Variants in FGF12 observed in about 807,000 individuals in gnomAD.
FGF12 encodes fibroblast growth factor 12, also known as fibroblast growth factor 12B.
A neutral mutation model predicts 23.6 loss-of-function variants in FGF12; 14 were observed. The ratio of observed to expected loss-of-function variants is 0.59; its 90% CI spans 0.39 to 0.93. FGF12 has a LOEUF of 0.93. FGF12 is among the 40% of genes least tolerant of loss of function. FGF12 has a pLI of 0.00. For missense variants in FGF12, 175 were observed against 217.8 expected (o/e 0.80, Z 1.24); for synonymous variants, 62 against 77.3 (o/e 0.80, Z 1.04).
intron 2 of FGF12, among the ~76,000 whole-genome samples, chr3:192,656,693 C>G (rs1716440562): frequency 6.6e-6 from 1 of 152,136 alleles, no homozygotes; most frequent in South Asian, 2.1e-4. Context: ...AAGATTATGG[C>G]ATACTCTCTC....
At chr3:192,561,466 G>A (rs191888200) in intron 2 of FGF12, among the ~76,000 whole-genome samples, 22 of 151,974 alleles carry the variant, frequency 1.4e-4, no homozygotes, top group Admixed American at 3.3e-4. Flanking sequence ...GGGTTCAAGC[G>A]ATTCTCCTGC....
intron 4 of FGF12, among the ~76,000 whole-genome samples, chr3:192,299,401 T>C (rs1008040610): frequency 6.6e-6 from 1 of 152,224 alleles, no homozygotes; most frequent in Non-Finnish European, 1.5e-5. Flanking sequence ...TGTGCTTCTA[T>C]AGTGTTTGAG....
chr3:192,270,036 C>G (rs1713334198), intron 4 of FGF12, among the ~76,000 whole-genome samples: 1 of 152,140 alleles, frequency 6.6e-6, no homozygotes, highest in South Asian at 2.1e-4. Context: ...AAAAGAGTAA[C>G]TTTCATGGGC....
At chr3:192,265,150 CT>C (rs1713001392) in intron 4 of FGF12, 1 of 152,142 alleles carries the variant, frequency 6.6e-6, no homozygotes, top group African/African-American at 2.4e-5. Flanking sequence ...TATGACATAA[CT>C]TTGCTCACTT....
intron 2 of FGF12, among the ~76,000 whole-genome samples, chr3:192,395,884 C>A (rs1421535740): frequency 6.6e-6 from 1 of 152,074 alleles, no homozygotes; most frequent in East Asian, 1.9e-4. Context: ...TTAATGGCAT[C>A]CCTCGTGGAG....
chr3:192,542,739 G>C (rs1202186656), intron 2 of FGF12, among the ~76,000 whole-genome samples: 1 of 151,912 alleles, frequency 6.6e-6, no homozygotes, highest in East Asian at 1.9e-4. Flanking sequence ...CCCAAGCCCA[G>C]TAACAATATG....
intron 2 of FGF12, among the ~76,000 whole-genome samples, chr3:192,573,240 C>T (rs1712727981): frequency 9.4e-6 from 1 of 106,176 alleles, no homozygotes; most frequent in Non-Finnish European, 2.4e-5. Context: ...CCTTGTGGAG[C>T]TTAAAAAAAA....
At chr3:192,414,760 G>T (rs1417192510) in intron 2 of FGF12, among the ~76,000 whole-genome samples, 2 of 152,180 alleles carry the variant, frequency 1.3e-5, no homozygotes, top group South Asian at 4.1e-4. Flanking sequence ...GGGGAAAAAT[G>T]AGAATGCCAA....
rs977499337 is a variant in FGF12 at position 192,408,836 on chromosome 3, C to A, written c.14-48298G>T. 4 of 985,572 alleles carry A rather than the reference C, an allele frequency of 4.1e-6. No individual in the cohort carries two copies. The highest frequency in any genetic ancestry group is 4.8e-6 in the Non-Finnish European group (4 of 830,062). 61.1% of individuals were successfully genotyped at this position (985,572 alleles called of 1,614,324 possible). ...AGGAAGGCAGCAATTTAACTCCCTG[C>A]GGCCCGCGGTTCTGAAGATTAGGAG... On this transcript the variant is annotated intron_variant, in intron 2 of 5. Coordinates refer to ENST00000445105, the MANE Select transcript of FGF12 (RefSeq NM_004113.6). The surrounding 1 kb of genome is among the most constrained non-coding windows in gnomAD (Gnocchi z 7.3).
At chr3:192,601,281 G>T (rs1714104457) in intron 2 of FGF12, among the ~76,000 whole-genome samples, 2 of 152,058 alleles carry the variant, frequency 1.3e-5, no homozygotes, top group Admixed American at 1.3e-4. Context: ...AATACTATAG[G>T]CTGGGAAGAG....
At position 192,727,162 on chromosome 3, in the gene FGF12, G is replaced by C; in HGVS notation, c.13+19C>G. 1 of 1,574,562 alleles carries C rather than the reference G, an allele frequency of 6.4e-7. No individual in the cohort carries two copies. The highest frequency in any genetic ancestry group is 8.6e-7 in the Non-Finnish European group (1 of 1,159,898). ...ACGCACATGCAGCGGGAAGTCCCCCGATAGGGACAACCACATACCTTTGCT... is the reference window on the plus strand; with the variant it reads ...ACGCACATGCAGCGGGAAGTCCCCCCATAGGGACAACCACATACCTTTGCT... On this transcript the variant is annotated intron_variant, in intron 2 of 5. Coordinates refer to ENST00000445105, the MANE Select transcript of FGF12 (RefSeq NM_004113.6).
chr3:192,528,051 G>A (rs190955208), intron 2 of FGF12, among the ~76,000 whole-genome samples: 1 of 152,118 alleles, frequency 6.6e-6, no homozygotes, highest in East Asian at 1.9e-4. Flanking sequence ...TCCACACCTG[G>A]CCCCTCCCAA....
At chr3:192,591,308 A>T (rs1055286534) in intron 2 of FGF12, among the ~76,000 whole-genome samples, 1 of 151,402 alleles carries the variant, frequency 6.6e-6, no homozygotes, top group African/African-American at 2.4e-5. Flanking sequence ...TACATTTTTT[A>T]AAAATAGAGA....
At chr3:192,629,897 G>A (rs1488230457) in intron 2 of FGF12, among the ~76,000 whole-genome samples, 1 of 152,002 alleles carries the variant, frequency 6.6e-6, no homozygotes, top group Non-Finnish European at 1.5e-5. Context: ...TTTTTAACAC[G>A]CTCCCTAGGT....
At chr3:192,599,871 G>C (rs946613299) in intron 2 of FGF12, among the ~76,000 whole-genome samples, 1 of 152,050 alleles carries the variant, frequency 6.6e-6, no homozygotes, top group Non-Finnish European at 1.5e-5. Context: ...TGTGGAGATA[G>C]TAAAGTTAGT....
intron 2 of FGF12, chr3:192,515,639 T>G (rs991129736): frequency 1.3e-5 from 2 of 152,288 alleles, no homozygotes; most frequent in African/African-American, 4.8e-5. Context: ...TTAGCATAGG[T>G]GCAGTGGGAA....
chr3:192,499,592 C>T (rs1227360391), intron 2 of FGF12, among the ~76,000 whole-genome samples: 4 of 123,582 alleles, frequency 3.2e-5, no homozygotes, highest in Non-Finnish European at 6.3e-5. Context: ...AGTGCAGTGG[C>T]GCAATCTTGG....
intron 2 of FGF12, among the ~76,000 whole-genome samples, chr3:192,678,796 A>G (rs1717416876): frequency 6.6e-6 from 1 of 152,170 alleles, no homozygotes; most frequent in Non-Finnish European, 1.5e-5. Context: ...GCCCAGGCCC[A>G]GCTTATCTTT....
intron 4 of FGF12, among the ~76,000 whole-genome samples, chr3:192,241,993 T>C (rs1461104152): frequency 6.6e-6 from 1 of 152,134 alleles, no homozygotes; most frequent in Non-Finnish European, 1.5e-5. Flanking sequence ...TGCATCAGTA[T>C]TTATGGGGTA....
Sources: gnomAD v4.1 joint callset for allele counts (sites outside exome capture counted in the v4.1 genomes callset) on GRCh38, gnomAD v4.1.1 for gene constraint, Gnocchi (gnomAD v3.1) non-coding constraint, MANE v1.5 for transcripts, NCBI Gene and HGNC (gene_info 2026-07-23, HGNC 2026-07-21) for gene names.